Variants in PARD3B observed in about 807,000 individuals in gnomAD.
PARD3B encodes par-3 family cell polarity regulator beta, also known as partitioning defective 3 homolog B.
A neutral mutation model predicts 130.2 loss-of-function variants in PARD3B; 103 were observed. The ratio of observed to expected loss-of-function variants is 0.79; its 90% confidence interval spans 0.67 to 0.93. The LOEUF is 0.93. Ranked by LOEUF, PARD3B falls within the 40% of genes least tolerant of loss-of-function variation. The probability of loss-of-function intolerance (pLI) is 0.00; values close to 1 mark genes in which losing one functional copy is unlikely to be tolerated. For missense variants in PARD3B, 1,609 were observed against 1,499.2 expected (o/e 1.07, Z -1.21); for synonymous variants, 583 against 553.2 (o/e 1.05, Z -0.76).
At chr2:205,115,718 G>A (rs1703975608) in intron 6 of PARD3B, among the ~76,000 whole-genome samples, 1 of 152,122 alleles carries the variant, frequency 6.6e-6, no homozygotes, top group African/African-American at 2.4e-5. Context: ...CATGTGTCTA[G>A]ATGCAACTGT....
At position 205,592,219 on chromosome 2, in the gene PARD3B, A is replaced by G. The variant is rs1344005060; in HGVS notation, c.3261-23237A>G. 6.6e-6 allele frequency among the ~76,000 whole-genome samples: 1 copy of G among 152,220 alleles called. No individual in the cohort carries two copies. The highest frequency in any genetic ancestry group is 1.9e-4 in the East Asian group (1 of 5,202). Reference sequence around the variant, plus strand: ...AACTTGAACCCAGGTGTTTTGCCTCAGAGCCCAGTGCTCTTGTTTACTATA... The same window carrying G: ...AACTTGAACCCAGGTGTTTTGCCTCGGAGCCCAGTGCTCTTGTTTACTATA... On this transcript the variant is annotated intron_variant, in intron 22 of 22. Coordinates refer to ENST00000406610, the MANE Select transcript of PARD3B (RefSeq NM_001302769.2). The surrounding 1 kb of genome is among the most constrained non-coding windows in gnomAD (Gnocchi z 4.5).
At chr2:204,979,892 A>G (rs1692520167) in intron 3 of PARD3B, among the ~76,000 whole-genome samples, 1 of 152,202 alleles carries the variant, frequency 6.6e-6, no homozygotes, top group Non-Finnish European at 1.5e-5. Flanking sequence ...AAAAACAATG[A>G]GAGACAATGT....
At chr2:204,788,760 ATATGTAAAT>A (rs1369964378) in intron 2 of PARD3B, among the ~76,000 whole-genome samples, 2 of 152,194 alleles carry the variant, frequency 1.3e-5, no homozygotes, top group Non-Finnish European at 2.9e-5. Context: ...AAAAGACAAG[ATATGTAAAT>A]TATGATGCAA....
intron 4 of PARD3B, among the ~76,000 whole-genome samples, chr2:205,053,937 G>T (rs560199444): frequency 2.6e-5 from 4 of 152,104 alleles, no homozygotes; most frequent in African/African-American, 9.6e-5. Flanking sequence ...TTTAATAATA[G>T]TTCTGGTGTT....
chr2:205,019,275 A>T (rs560144332), intron 3 of PARD3B, among the ~76,000 whole-genome samples: 2 of 152,258 alleles, frequency 1.3e-5, no homozygotes, highest in Middle Eastern at 6.8e-3. Context: ...CCCGCCTAGC[A>T]TGTTTTCAAG....
chr2:205,152,350 G>C (rs1351923932), intron 10 of PARD3B, among the ~76,000 whole-genome samples: 1 of 152,212 alleles, frequency 6.6e-6, no homozygotes, highest in Non-Finnish European at 1.5e-5. Context: ...ATCCTGAAGA[G>C]TGTTTTCCAA....
chr2:205,073,809 A>G (rs1213578427), intron 4 of PARD3B, among the ~76,000 whole-genome samples: 2 of 152,198 alleles, frequency 1.3e-5, no homozygotes, highest in South Asian at 2.1e-4. Flanking sequence ...GATGTGTTGA[A>G]TATAAAACCT....
rs1218844018 is a variant in PARD3B at position 205,142,377 on chromosome 2, G to A, written c.1435-16345G>A. On this transcript the variant is annotated intron_variant, in intron 10 of 22. Coordinates refer to ENST00000406610, the MANE Select transcript of PARD3B (RefSeq NM_001302769.2). This position sits in a 1 kb window ranked among gnomAD's most constrained non-coding sequence, Gnocchi z 4.3. Reference sequence around the variant, plus strand: ...AAACTATGATTTTGGTAGATAAGATGAAAGACATAGTAGTCGCTTTTGGGA... The same window carrying A: ...AAACTATGATTTTGGTAGATAAGATAAAAGACATAGTAGTCGCTTTTGGGA... 6.6e-6 allele frequency among the ~76,000 whole-genome samples: 1 copy of A among 152,158 alleles called. No individual in the cohort carries two copies. The highest frequency in any genetic ancestry group is 1.5e-5 in the Non-Finnish European group (1 of 68,022).
At chr2:205,333,359 A>G (rs548909397) in intron 18 of PARD3B, among the ~76,000 whole-genome samples, 1 of 152,284 alleles carries the variant, frequency 6.6e-6, no homozygotes, top group South Asian at 2.1e-4. Flanking sequence ...TATTGCTTAT[A>G]TATTGAAATT....
At position 205,352,928 on chromosome 2, in the gene PARD3B, A is replaced by G. The variant is rs2044046415; in HGVS notation, c.2631-48085A>G. 6.6e-6 allele frequency among the ~76,000 whole-genome samples: 1 copy of G among 152,164 alleles called. No homozygotes were observed. Among genetic ancestry groups the G allele is most frequent in the Admixed American group, 6.5e-5 (1 of 15,288 alleles). The stretch of plus-strand genomic sequence containing the variant: ...GCCACATCATATGGAGAAAGAACCA[A>G]TGTTTCATCTTTCTGTTTTTCAGAA... On this transcript the variant is annotated intron_variant, in intron 18 of 22. Transcript: ENST00000406610. The surrounding 1 kb of genome is among the most constrained non-coding windows in gnomAD (Gnocchi z 5.2).
At chr2:205,576,678 C>G (rs2053771528) in intron 22 of PARD3B, among the ~76,000 whole-genome samples, 1 of 152,180 alleles carries the variant, frequency 6.6e-6, no homozygotes, top group Non-Finnish European at 1.5e-5. Flanking sequence ...ACCAATACCA[C>G]AGTGTCATGA....
At chr2:205,409,244 A>G (rs80024717) in intron 19 of PARD3B, among the ~76,000 whole-genome samples, 4,373 of 152,252 alleles carry the variant, frequency 0.029, 199 homozygotes, top group African/African-American at 0.099. Flanking sequence ...TAAAGGTAAA[A>G]ATATCCATCT....
rs1186614202 is a variant in PARD3B, at chr2:204,677,051, A to G, written c.121-9130A>G. On this transcript the variant is annotated intron_variant, in intron 1 of 22. Transcript: ENST00000406610. The surrounding 1 kb of genome is among the most constrained non-coding windows in gnomAD (Gnocchi z 4.1). ...TGTATCATTTCTAGAACAGCACAGA[A>G]AAAGCCAAATCTCTCTTTTATGTGG... Among the ~76,000 whole-genome samples the G allele has an allele frequency of 6.6e-6, 1 of 152,130 alleles. No individual in the cohort carries two copies. Among genetic ancestry groups the G allele is most frequent in the Non-Finnish European group, 1.5e-5 (1 of 68,034 alleles).
At chr2:204,862,589 A>G (rs1302652420) in intron 2 of PARD3B, among the ~76,000 whole-genome samples, 1 of 152,198 alleles carries the variant, frequency 6.6e-6, no homozygotes, top group Non-Finnish European at 1.5e-5. Context: ...TTTATACTAC[A>G]TCAAAGACTG....
At chr2:205,206,552 T>A (rs1234904723) in intron 15 of PARD3B, among the ~76,000 whole-genome samples, 1 of 151,380 alleles carries the variant, frequency 6.6e-6, no homozygotes, top group Non-Finnish European at 1.5e-5. Flanking sequence ...GAACTCATCA[T>A]TTTTTATGGC....
At chr2:205,391,934 A>G (rs1459448688) in intron 18 of PARD3B, among the ~76,000 whole-genome samples, 1 of 152,164 alleles carries the variant, frequency 6.6e-6, no homozygotes, top group Non-Finnish European at 1.5e-5. Flanking sequence ...AAAGCTCAGC[A>G]AAAGCAATAT....
intron 18 of PARD3B, among the ~76,000 whole-genome samples, chr2:205,319,107 A>G (rs1283266418): frequency 1.3e-5 from 2 of 152,108 alleles, no homozygotes; most frequent in African/African-American, 4.8e-5. Context: ...ATTGATTTTC[A>G]ATAGCCTCTC....
At chr2:204,569,424 T>A (rs1239324277) in intron 1 of PARD3B, among the ~76,000 whole-genome samples, 1 of 152,152 alleles carries the variant, frequency 6.6e-6, no homozygotes, top group East Asian at 1.9e-4. Context: ...CACATATAGG[T>A]TGAAATTATA....
chr2:205,152,992 G>A (rs1559489529), intron 10 of PARD3B, among the ~76,000 whole-genome samples: 1 of 152,260 alleles, frequency 6.6e-6, no homozygotes, highest in East Asian at 1.9e-4. Flanking sequence ...CTGTTTGTTG[G>A]TTTTCCTTCT....
Sources: gnomAD v4.1 joint callset for allele counts (sites outside exome capture counted in the v4.1 genomes callset) on GRCh38, gnomAD v4.1.1 for gene constraint, Gnocchi (gnomAD v3.1) non-coding constraint, MANE v1.5 for transcripts, NCBI Gene and HGNC (gene_info 2026-07-23, HGNC 2026-07-21) for gene names.